ATP8A2: variants seen among roughly 807,000 people sequenced by gnomAD.
ATP8A2 encodes phospholipid-transporting ATPase IB.
ATP8A2 carries 100 observed loss-of-function variants against 165.6 expected under a neutral mutation model. That is an observed-to-expected ratio of 0.60 (90% confidence interval 0.51 to 0.71). The LOEUF is 0.71. ATP8A2 is among the 30% of genes least tolerant of loss of function. ATP8A2 has a pLI of 0.00. For synonymous variants in ATP8A2, 543 were observed against 548.8 expected, an observed-to-expected ratio of 0.99 and a Z score of 0.15; for missense variants, 1,227 against 1,479.5, an observed-to-expected ratio of 0.83 and a Z score of 2.80.
chr13:25,393,295 A>C (rs766575050), intron 1 of ATP8A2, among the ~76,000 whole-genome samples: 1 of 151,788 alleles, frequency 6.6e-6, no homozygotes, highest in African/African-American at 2.4e-5. Context: ...ATGCTTGGCT[A>C]ATTATCTTTT....
At chr13:25,517,377 C>T (rs1156840185) in intron 2 of ATP8A2, among the ~76,000 whole-genome samples, 1 of 152,174 alleles carries the variant, frequency 6.6e-6, no homozygotes, top group Non-Finnish European at 1.5e-5. Flanking sequence ...TTCCTGGCAG[C>T]ATGCTCAGTG....
intron 25 of ATP8A2, among the ~76,000 whole-genome samples, chr13:25,704,198 C>T (rs959005246): frequency 6.6e-6 from 1 of 152,112 alleles, no homozygotes; most frequent in African/African-American, 2.4e-5. Flanking sequence ...TACAAACTCC[C>T]CGTGGCACCT....
chr13:25,837,887 G>A (rs1416871817), intron 29 of ATP8A2, among the ~76,000 whole-genome samples: 5 of 152,196 alleles, frequency 3.3e-5, no homozygotes, highest in Admixed American at 6.5e-5. Context: ...CCGCGCCAAA[G>A]CTGGGTGGGG....
At chr13:25,500,492 C>T (rs1171474623) in intron 2 of ATP8A2, among the ~76,000 whole-genome samples, 1 of 152,196 alleles carries the variant, frequency 6.6e-6, no homozygotes. Flanking sequence ...GTGTGGAGTG[C>T]TCATACAGTG....
chr13:25,551,676 A>G (rs1031357186), intron 11 of ATP8A2, among the ~76,000 whole-genome samples, 173 bp downstream of exon 11: 1 of 152,156 alleles, frequency 6.6e-6, no homozygotes. Flanking sequence ...TGAAATGAAG[A>G]TGGGCACATT....
intron 33 of ATP8A2, among the ~76,000 whole-genome samples, chr13:25,867,249 G>A (rs1220397141): frequency 6.6e-6 from 1 of 151,874 alleles, no homozygotes; most frequent in African/African-American, 2.4e-5. Context: ...AGTAAACAGA[G>A]GGAGGAATGG....
intron 1 of ATP8A2, among the ~76,000 whole-genome samples, chr13:25,439,979 T>C (rs2034888028): frequency 6.6e-6 from 1 of 152,126 alleles, no homozygotes; most frequent in South Asian, 2.1e-4. Context: ...GGAGTTTGAG[T>C]ATTAAAATCC....
At chr13:25,755,992 A>G (rs938017341) in intron 25 of ATP8A2, among the ~76,000 whole-genome samples, 1 of 152,196 alleles carries the variant, frequency 6.6e-6, no homozygotes, top group Admixed American at 6.5e-5. Context: ...ACGTCAGCCA[A>G]GACTTTCTTC....
At chr13:25,766,365 C>T (rs1364350898) in intron 25 of ATP8A2, among the ~76,000 whole-genome samples, 2 of 152,146 alleles carry the variant, frequency 1.3e-5, no homozygotes, top group Non-Finnish European at 2.9e-5. Flanking sequence ...ACATTTGAAA[C>T]AATAATGTCA....
At chr13:25,589,796 A>C (rs928119898) in intron 24 of ATP8A2, 97 bp downstream of exon 24, 20 of 752,138 alleles carry the variant, frequency 2.7e-5, no homozygotes, top group Non-Finnish European at 4.2e-5. Context: ...TTTTGCTAAA[A>C]AACAGTTATG....
chr13:25,751,627 G>A (rs1397192892), intron 25 of ATP8A2, among the ~76,000 whole-genome samples: 5 of 151,990 alleles, frequency 3.3e-5, no homozygotes, highest in Non-Finnish European at 7.4e-5. Context: ...GTAGAGACAA[G>A]GTCTCGCTAT....
rs78064766 is a variant in ATP8A2 at position 25,755,897 on chromosome 13, G to T, written c.2385-13149G>T. On this transcript the variant is annotated intron_variant, in intron 25 of 36. Coordinates refer to ENST00000381655, the MANE Select transcript of ATP8A2 (RefSeq NM_016529.6). Reference sequence around the variant, plus strand: ...ACTCCAACCCCAGATGACAGTGCAAGACTCCGTCTCAAAAAAAAACCCATA... The same window carrying T: ...ACTCCAACCCCAGATGACAGTGCAATACTCCGTCTCAAAAAAAAACCCATA... Among the ~76,000 whole-genome samples the T allele has an allele frequency of 2.4e-3, 360 of 151,948 alleles. 4 individuals carry two copies. The highest frequency in any genetic ancestry group is 8.4e-3 in the African/African-American group (345 of 41,246).
At position 25,783,207 on chromosome 13, in the gene ATP8A2, G is replaced by T. The variant is rs113779861; in HGVS notation, c.2679+8248G>T. Among the ~76,000 whole-genome samples the T allele has an allele frequency of 3.0e-3, 453 of 152,240 alleles. 2 individuals are homozygous for T. The highest frequency in any genetic ancestry group is 1.0e-2 in the African/African-American group (414 of 41,534). On this transcript the variant is annotated intron_variant, in intron 27 of 36. Transcript: ENST00000381655. ...TGCACAAAGACCTCTGCATGCACAG[G>T]CCTGGTGCCAACCCCATCCCAAGAG... is the stretch of plus-strand genomic sequence containing the variant.
chr13:25,664,371 C>G (rs954920718), intron 24 of ATP8A2, among the ~76,000 whole-genome samples: 1 of 152,160 alleles, frequency 6.6e-6, no homozygotes, highest in African/African-American at 2.4e-5. Context: ...TTGATGTCAT[C>G]ATTTCCTTCC....
intron 1 of ATP8A2, among the ~76,000 whole-genome samples, chr13:25,435,507 A>T (rs573683471): frequency 6.6e-6 from 1 of 152,260 alleles, no homozygotes; most frequent in East Asian, 1.9e-4. Context: ...TGTTTTTATC[A>T]ACATAATCTT....
intron 1 of ATP8A2, among the ~76,000 whole-genome samples, chr13:25,454,576 G>C (rs569888454): frequency 3.2e-4 from 49 of 152,260 alleles, no homozygotes; most frequent in African/African-American, 1.2e-3. Flanking sequence ...CCATCCGATG[G>C]GACCCTCTCA....
At chr13:25,464,290 C>T (rs1320883388) in intron 1 of ATP8A2, among the ~76,000 whole-genome samples, 1 of 152,052 alleles carries the variant, frequency 6.6e-6, no homozygotes, top group Non-Finnish European at 1.5e-5. Context: ...AACAGGTTCT[C>T]TGCATACTGC....
intron 25 of ATP8A2, among the ~76,000 whole-genome samples, chr13:25,738,812 A>C (rs2043843685): frequency 6.6e-6 from 1 of 152,272 alleles, no homozygotes; most frequent in African/African-American, 2.4e-5. Flanking sequence ...GTGGCAAGGT[A>C]AATCTGCATC....
At chr13:25,674,266 C>T (rs1359456719) in intron 24 of ATP8A2, among the ~76,000 whole-genome samples, 3 of 127,922 alleles carry the variant, frequency 2.3e-5, no homozygotes, top group Non-Finnish European at 4.6e-5. Flanking sequence ...CCAGATGTGT[C>T]CCCCCCCGAA....
Sources: allele counts gnomAD v4.1 joint callset (sites outside exome capture counted in the v4.1 genomes callset), GRCh38; gene constraint gnomAD v4.1.1; transcripts MANE v1.5; gene names NCBI Gene and HGNC (gene_info 2026-07-23, HGNC 2026-07-21).